CYREN: variants seen among roughly 807,000 people sequenced by gnomAD.
CYREN encodes the protein cell cycle regulator of NHEJ.
CYREN carries 7 observed loss-of-function variants against 9.7 expected under a neutral mutation model. The observed-to-expected ratio is 0.72, with a 90% CI of 0.41 to 1.36. The LOEUF (loss-of-function observed/expected upper bound fraction) is 1.36, where lower values mean the gene tolerates loss of function less well. CYREN is among the 40% of genes most tolerant of loss of function. The pLI is 0.01. For missense variants in CYREN, 215 were observed against 198.1 expected, an observed-to-expected ratio of 1.09 and a Z score of -0.51; for synonymous variants, 76 against 77.9, an observed-to-expected ratio of 0.98 and a Z score of 0.13.
chr7:135,098,626 G>A (rs975723134), intron 2 of CYREN, among the ~76,000 whole-genome samples: 1 of 152,086 alleles, frequency 6.6e-6, no homozygotes, highest in Non-Finnish European at 1.5e-5. Flanking sequence ...GTGTAATGTG[G>A]GCTTGATAAG....
intron 2 of CYREN, among the ~76,000 whole-genome samples, chr7:135,159,678 AT>A (rs1829879334): frequency 6.6e-6 from 1 of 152,212 alleles, no homozygotes; most frequent in African/African-American, 2.4e-5. Context: ...AACAGCCTTT[AT>A]TTTTAAAGGG....
chr7:135,166,468 G>T lies in CYREN; in HGVS notation c.*143C>A. The T allele has an allele frequency of 7.4e-7, 1 of 1,360,114 alleles. No individual in the cohort carries two copies. Among genetic ancestry groups the T allele is most frequent in the Non-Finnish European group, 9.8e-7 (1 of 1,019,756 alleles). 84.3% of individuals were successfully genotyped at this position (1,360,114 alleles called of 1,614,324 possible). ...GAGTGTCCAGGGGCTTCTGGCCTGA[G>T]GTGAATCTGCCAGGCCCAAGAAGGC... On this transcript the variant is annotated 3_prime_UTR_variant, in exon 4 of 4. Transcript: ENST00000393114.
chr7:135,109,120 G>A (rs1308958977), intron 2 of CYREN, among the ~76,000 whole-genome samples: 2 of 152,074 alleles, frequency 1.3e-5, no homozygotes, highest in African/African-American at 2.4e-5. Flanking sequence ...TCCTTGGATT[G>A]GGTTTTGCCA....
intron 2 of CYREN, among the ~76,000 whole-genome samples, chr7:135,115,120 T>C (rs1031480248): frequency 6.6e-6 from 1 of 152,202 alleles, no homozygotes; most frequent in Non-Finnish European, 1.5e-5. Flanking sequence ...GGAGGCTTTT[T>C]CTTAACACCT....
At chr7:135,128,291 C>CAAAAAAAAAAAAAAAAAAAAAAA (rs61217008) in intron 2 of CYREN, among the ~76,000 whole-genome samples, 1 of 58,070 alleles carries the variant, frequency 1.7e-5, no homozygotes, top group Non-Finnish European at 2.7e-5. Context: ...GACTCCATCT[C>CAAAAAAAAAAAAAAAAAAAAAAA]AAAAAAAAAA....
rs182665468 is a variant in CYREN, at chr7:135,158,654, T to C, written n.356+10095A>G. 1.5e-4 allele frequency among the ~76,000 whole-genome samples: 23 copies of C among 152,140 alleles called. No homozygotes were observed. In the East Asian group the frequency reaches 4.1e-3, roughly 27 times the overall value. ...GCCCAGCATTAAACTCTCAAAATGC[T>C]ACCTTGGGCCTGGGATCAGAGAGTG... On this transcript the variant is annotated intron_variant and non_coding_transcript_variant, in intron 2 of 2. Coordinates refer to the CYREN transcript ENST00000459937.
At chr7:135,167,488 CACACACGCCCTCCCTA>C (rs1456489421) in intron 3 of CYREN, 4 of 1,394,520 alleles carry the variant, frequency 2.9e-6, no homozygotes, top group Non-Finnish European at 3.7e-6. Flanking sequence ...CTCCCTAACA[CACACACGCCCTCCCTA>C]ACACACGCAT....
At chr7:135,129,339 A>G in intron 2 of CYREN, 2 of 1,126,450 alleles carry the variant, frequency 1.8e-6, no homozygotes, top group Non-Finnish European at 2.7e-6. Context: ...AGAGAAATTA[A>G]TAGACTTACT....
intron 2 of CYREN, among the ~76,000 whole-genome samples, chr7:135,097,841 C>T (rs1823144600): frequency 6.6e-6 from 1 of 152,112 alleles, no homozygotes; most frequent in Admixed American, 6.5e-5. Context: ...AAGACTGACT[C>T]AGAACTCAAA....
chr7:135,115,735 C>T (rs935323261), intron 2 of CYREN: 5 of 784,532 alleles, frequency 6.4e-6, no homozygotes, highest in African/African-American at 3.5e-5. Flanking sequence ...AGCTCCATCA[C>T]ATTTGGCAAA....
intron 2 of CYREN, among the ~76,000 whole-genome samples, chr7:135,097,237 G>A (rs1823042126): frequency 6.6e-6 from 1 of 152,114 alleles, no homozygotes; most frequent in African/African-American, 2.4e-5. Context: ...TGTAAAAGAT[G>A]TGTTGGCCTC....
intron 2 of CYREN, among the ~76,000 whole-genome samples, chr7:135,095,230 G>C (rs1822486843): frequency 6.6e-6 from 1 of 152,092 alleles, no homozygotes; most frequent in Admixed American, 6.6e-5. Flanking sequence ...CATAGCCCAG[G>C]AACACAGGCC....
At chr7:135,146,481 A>G (rs915719136) in intron 2 of CYREN, among the ~76,000 whole-genome samples, 4 of 152,204 alleles carry the variant, frequency 2.6e-5, no homozygotes, top group Admixed American at 6.5e-5. Flanking sequence ...TCGATGCAAA[A>G]ATGCCACAAA....
intron 2 of CYREN, chr7:135,115,552 G>A (rs978151145): frequency 4.5e-6 from 7 of 1,551,238 alleles, no homozygotes; most frequent in Non-Finnish European, 6.1e-6. Flanking sequence ...CTAAAAACAT[G>A]CAAACCACTC....
chr7:135,120,973 G>A (rs1204120938), intron 2 of CYREN, among the ~76,000 whole-genome samples: 1 of 152,204 alleles, frequency 6.6e-6, no homozygotes, highest in Non-Finnish European at 1.5e-5. Flanking sequence ...GGAGGCCGAG[G>A]CAGGTGGATT....
At chr7:135,116,319 A>T (rs988536646) in intron 2 of CYREN, among the ~76,000 whole-genome samples, 3 of 152,218 alleles carry the variant, frequency 2.0e-5, no homozygotes, top group Admixed American at 2.0e-4. Context: ...AGTCCTCCTG[A>T]ACTTCATCAT....
At chr7:135,123,843 T>C (rs1827484000) in intron 2 of CYREN, among the ~76,000 whole-genome samples, 1 of 152,178 alleles carries the variant, frequency 6.6e-6, no homozygotes. Context: ...AAGCAAATAC[T>C]GAGGGGTTTC....
upstream of CYREN, among the ~76,000 whole-genome samples, chr7:135,171,313 T>TG (rs201266584): frequency 0.62 from 73,176 of 117,584 alleles, 18,055 homozygotes; most frequent in South Asian, 0.74. Context: ...GTACCTGTTT[T>TG]TTTTTTTTTT....
At chr7:135,122,781 G>A (rs73442130) in intron 2 of CYREN, among the ~76,000 whole-genome samples, 1 of 152,236 alleles carries the variant, frequency 6.6e-6, no homozygotes, top group African/African-American at 2.4e-5. Context: ...CCAGCAAACA[G>A]CAGCAGCCCT....
Sources: gnomAD v4.1 joint callset for allele counts (sites outside exome capture counted in the v4.1 genomes callset) on GRCh38, gnomAD v4.1.1 for gene constraint, MANE v1.5 for transcripts, NCBI Gene and HGNC (gene_info 2026-07-23, HGNC 2026-07-21) for gene names.